The following SPG21 variants were observed in gnomAD, a reference collection of about 807,000 sequenced individuals.
The protein encoded by SPG21 is maspardin.
Under a neutral mutation model 38.9 loss-of-function variants are expected in SPG21, and 26 were observed. The ratio of observed to expected loss-of-function variants is 0.67; its 90% CI spans 0.49 to 0.93. The LOEUF (loss-of-function observed/expected upper bound fraction) is 0.93, where lower values mean the gene tolerates loss of function less well. Among genes scored for constraint, SPG21 ranks in the 40% least tolerant of loss-of-function variants. The pLI, the probability that SPG21 is intolerant of heterozygous loss-of-function variation, is 0.00. For missense variants in SPG21, 333 were observed against 376.5 expected, an observed-to-expected ratio of 0.88 and a Z score of 0.96; for synonymous variants, 136 against 128.9, an observed-to-expected ratio of 1.05 and a Z score of -0.37.
In SPG21 at chr15:64,975,425, G is replaced by T. The variant is rs186458635; in HGVS notation, c.307-678C>A. 8.6e-5 allele frequency among the ~76,000 whole-genome samples: 13 copies of T among 151,898 alleles called. No individual in the cohort carries two copies. In the East Asian group the frequency reaches 2.5e-3, roughly 29 times the overall value. ...TGCCTAGAGTCCTAGCTACTTGGGA[G>T]GTTGAGGTGGGAGGATCGCTTGAGC... On this transcript the variant is annotated intron_variant, in intron 4 of 8. Coordinates refer to ENST00000204566, the MANE Select transcript of SPG21 (RefSeq NM_016630.7).
intron 1 of SPG21, among the ~76,000 whole-genome samples, chr15:64,986,200 T>C (rs1368464254): frequency 1.3e-5 from 2 of 151,400 alleles, no homozygotes; most frequent in African/African-American, 4.9e-5. Flanking sequence ...ACCCTGTCTC[T>C]ACTAAAAATA....
chr15:64,978,123 G>T (rs140346127), intron 3 of SPG21, among the ~76,000 whole-genome samples: 2,391 of 149,624 alleles, frequency 0.016, 65 homozygotes, highest in African/African-American at 0.055. Context: ...GAGCCACCGC[G>T]CCTGGCCAAG....
At chr15:64,988,517 G>A (rs116908458) in intron 1 of SPG21, 2 of 152,186 alleles carry the variant, frequency 1.3e-5, no homozygotes, top group Non-Finnish European at 2.9e-5. Context: ...CCTCACCACA[G>A]AAGTACACAG....
chr15:64,981,017 C>G lies in SPG21; in HGVS notation c.72G>C (p.Val24=). 5 of 1,614,078 alleles carry G rather than the reference C, an allele frequency of 3.1e-6. No homozygotes were observed. Among genetic ancestry groups the G allele is most frequent in the Non-Finnish European group, 4.2e-6 (5 of 1,180,014 alleles). Residue 24 remains valine, a synonymous_variant, in exon 3 of 9, where the codon GTG becomes GTC. Coordinates refer to ENST00000204566, the MANE Select transcript of SPG21 (RefSeq NM_016630.7). ...RGTVPLKKII[V]DDDDSKIWSL... The stretch of plus-strand genomic sequence containing the variant: ...ACCATATCTTACTGTCATCATCATC[C>G]ACAATAATCTGGAGGGAAGGTTAAA...
Position 64,981,328 on chromosome 15 carries a change from AG to A in SPG21, c.64-304del, listed in dbSNP as rs1407669081. 42 of 319,600 alleles carry A rather than the reference AG, an allele frequency of 1.3e-4. No individual in the cohort carries two copies. In the East Asian group the frequency reaches 2.1e-3, roughly 16 times the overall value. 19.8% of individuals were successfully genotyped at this position (319,600 alleles called of 1,614,324 possible). ...TTTTTGAGACAGAGTCTCGCTCTGTAGCCCAGGCTGGAGTGCAGTGGCACGA... is the reference window on the plus strand; with the variant it reads ...TTTTTGAGACAGAGTCTCGCTCTGTACCCAGGCTGGAGTGCAGTGGCACGA... On this transcript the variant is annotated intron_variant, in intron 2 of 8. Transcript: ENST00000204566.
chr15:64,986,767 C>T (rs2086003422), intron 1 of SPG21, among the ~76,000 whole-genome samples: 1 of 152,118 alleles, frequency 6.6e-6, no homozygotes, highest in Admixed American at 6.5e-5. Context: ...TATAGGCTTT[C>T]TCTAAGCTGA....
intron 3 of SPG21, 108 bp downstream of exon 3, chr15:64,980,756 C>T: frequency 7.7e-7 from 1 of 1,307,020 alleles, no homozygotes; most frequent in Non-Finnish European, 1.1e-6. Context: ...AACAAACAAA[C>T]AAACAAACAA....
intron 6 of SPG21, among the ~76,000 whole-genome samples, chr15:64,969,678 T>C (rs1327465596): frequency 4.1e-5 from 3 of 73,774 alleles, no homozygotes; most frequent in African/African-American, 1.1e-4. Flanking sequence ...GTGACAGATA[T>C]ATGTTTTTGT....
intron 4 of SPG21, 29 bp downstream of exon 4, chr15:64,976,442 TTGTA>T (rs1241251970): frequency 2.1e-6 from 3 of 1,435,430 alleles, no homozygotes; most frequent in Non-Finnish European, 2.9e-6. Flanking sequence ...AAAAAAAAAA[TTGTA>T]TGTATGTAAT....
At chr15:64,980,790 C>G (rs1164180575) in intron 3 of SPG21, 74 bp downstream of exon 3, 18 of 1,501,962 alleles carry the variant, frequency 1.2e-5, no homozygotes, top group Admixed American at 1.1e-4. Context: ...ATTACTATAG[C>G]TGATGAGAGA....
chr15:64,967,740 G>A (rs1426692015), intron 7 of SPG21, among the ~76,000 whole-genome samples: 1 of 152,004 alleles, frequency 6.6e-6, no homozygotes, highest in Non-Finnish European at 1.5e-5. Context: ...CAAAGTTCTG[G>A]GATTACAGGG....
intron 3 of SPG21, among the ~76,000 whole-genome samples, chr15:64,979,433 A>T: frequency 6.6e-6 from 1 of 152,178 alleles, no homozygotes; most frequent in Admixed American, 6.5e-5. Context: ...AATGACTGAA[A>T]ATCTGAACAA....
rs1595874746 is a variant in SPG21, at chr15:64,976,565, TAAC to T, written c.226-13_226-11del. ...AAACTGGATACTGCAACTGAAATAA[TAAC>T]GATAATTTTATTTTTAAAAATCATA... is the stretch of plus-strand genomic sequence containing the variant. On this transcript the variant is annotated splice_polypyrimidine_tract_variant and intron_variant, in intron 3 of 8. Transcript: ENST00000204566. 1 of 1,594,042 alleles carries T rather than the reference TAAC, an allele frequency of 6.3e-7. No individual in the cohort carries two copies. The highest frequency in any genetic ancestry group is 8.6e-7 in the Non-Finnish European group (1 of 1,163,386).
intron 3 of SPG21, 54 bp downstream of exon 3, chr15:64,980,810 A>T (rs887041631): frequency 1.0e-5 from 6 of 598,306 alleles, no homozygotes; most frequent in South Asian, 5.4e-5. Flanking sequence ...ACAGAAGCAT[A>T]AAAAAAAAAA....
chr15:64,977,237 G>T (rs148541196), intron 3 of SPG21, among the ~76,000 whole-genome samples: 1,788 of 152,172 alleles, frequency 0.012, 38 homozygotes, highest in African/African-American at 0.039. Flanking sequence ...GCTGATTTTT[G>T]TATTTTTAGT....
At chr15:64,986,403 T>C (rs918134172) in intron 1 of SPG21, among the ~76,000 whole-genome samples, 13 of 141,662 alleles carry the variant, frequency 9.2e-5, no homozygotes, top group African/African-American at 3.4e-4. Flanking sequence ...TTAAAAAATT[T>C]TGCCAGGCGC....
Position 64,974,735 on chromosome 15 carries a change from C to CTCCCA in SPG21, c.318_319insTGGGA (p.Gly107TrpfsTer27). 6.2e-7 allele frequency: 1 copy of CTCCCA among 1,613,980 alleles called. No homozygotes were observed. Reference sequence around the variant, plus strand: ...GCCAAAAAGCCTCCCAAAGAAGCGCCAAAAAGATGAACCTAATTATAAACA... The same window carrying CTCCCA: ...GCCAAAAAGCCTCCCAAAGAAGCGCCTCCCAAAAAAGATGAACCTAATTATAAACA... On this transcript the variant is annotated frameshift_variant, in exon 5 of 9. Coordinates refer to ENST00000204566, the MANE Select transcript of SPG21 (RefSeq NM_016630.7). LOFTEE classifies it high-confidence loss of function.
In SPG21 at chr15:64,969,136, AC is replaced by A; in HGVS notation, c.669+118del. ...GAATTGAGAAAGCTGGAGGGTAAAA[AC>A]AAAAGCCAAGGCAGCATTTGAAGAG... On this transcript the variant is annotated intron_variant, in intron 7 of 8. Coordinates refer to ENST00000204566, the MANE Select transcript of SPG21 (RefSeq NM_016630.7). 4.0e-6 allele frequency: 3 copies of A among 741,188 alleles called. No individual in the cohort carries two copies. The Admixed American group carries it at 7.0e-5, about 17-fold the overall frequency. The allele number at this position is 741,188 out of a possible 1,614,324, so 45.9% of individuals were successfully genotyped here.
chr15:64,969,321 GGTAA>G lies in SPG21; in HGVS notation c.599_602del (p.Leu200ProfsTer2), dbSNP rs866345386. Reference sequence around the variant, plus strand: ...CCACATAAGAATTTTGACAATTCAAGGTAAGTCTTGAAGCCAGTTCACTCTGACC... The same window carrying G: ...CCACATAAGAATTTTGACAATTCAAGGTCTTGAAGCCAGTTCACTCTGACC... On this transcript the variant is annotated frameshift_variant, in exon 7 of 9. Transcript: ENST00000204566. LOFTEE classifies it high-confidence loss of function. The G allele has an allele frequency of 1.2e-6, 2 of 1,613,972 alleles. No individual in the cohort carries two copies. Among genetic ancestry groups the G allele is most frequent in the African/African-American group, 2.7e-5 (2 of 74,902 alleles).
Sources: allele counts gnomAD v4.1 joint callset (sites outside exome capture counted in the v4.1 genomes callset), GRCh38; gene constraint gnomAD v4.1.1; transcripts MANE v1.5; gene names NCBI Gene and HGNC (gene_info 2026-07-23, HGNC 2026-07-21).